ANO2: variants seen among roughly 807,000 people sequenced by gnomAD.
ANO2 encodes the protein anoctamin-2.
Under a neutral mutation model 124.2 loss-of-function variants are expected in ANO2, and 101 were observed. The observed-to-expected ratio is 0.81, with a 90% CI of 0.69 to 0.96. The LOEUF is 0.96. Among genes scored for constraint, ANO2 ranks in the 40% least tolerant of loss-of-function variants. ANO2 has a pLI of 0.00. For missense variants in ANO2, 1,293 were observed against 1,274.5 expected (o/e 1.01, Z -0.22); for synonymous variants, 486 against 482.5 (o/e 1.01, Z -0.09).
At chr12:5,880,917 G>GGATGGATGGATGGATT (rs1220049329) in intron 3 of ANO2, among the ~76,000 whole-genome samples, 1 of 151,042 alleles carries the variant, frequency 6.6e-6, no homozygotes, top group East Asian at 2.0e-4. Flanking sequence ...ATGGATGGAT[G>GGATGGATGGATGGATT]GATGAGTGGA....
chr12:5,701,648 C>A (rs1198728435), intron 14 of ANO2, among the ~76,000 whole-genome samples: 1 of 152,168 alleles, frequency 6.6e-6, no homozygotes, highest in East Asian at 1.9e-4. Flanking sequence ...TAGTTTAAGA[C>A]CCTCCATGAC....
At chr12:5,602,578 A>G (rs974914651) in intron 19 of ANO2, among the ~76,000 whole-genome samples, 2 of 152,210 alleles carry the variant, frequency 1.3e-5, no homozygotes, top group African/African-American at 4.8e-5. Context: ...TTAATCAGAA[A>G]GAGAAGACAG....
At chr12:5,753,456 T>G (rs559542327) in intron 10 of ANO2, among the ~76,000 whole-genome samples, 139 of 152,364 alleles carry the variant, frequency 9.1e-4, no homozygotes, top group South Asian at 3.3e-3. Context: ...GGGCAGCTTC[T>G]TGCATCACTC....
chr12:5,845,721 G>A (rs984592519), intron 4 of ANO2, among the ~76,000 whole-genome samples: 6 of 152,200 alleles, frequency 3.9e-5, no homozygotes, highest in South Asian at 2.1e-4. Context: ...TGGCTTTGGA[G>A]TCAGACAGAC....
At chr12:5,919,157 G>C (rs1276417068) in intron 3 of ANO2, among the ~76,000 whole-genome samples, 2 of 152,174 alleles carry the variant, frequency 1.3e-5, no homozygotes, top group Non-Finnish European at 2.9e-5. Flanking sequence ...AGTAAGGCAG[G>C]ATCGAGGGAC....
chr12:5,637,655 C>A (rs756201638), intron 15 of ANO2, among the ~76,000 whole-genome samples: 2 of 152,138 alleles, frequency 1.3e-5, no homozygotes, highest in South Asian at 2.1e-4. Context: ...TAACAGAATT[C>A]TTTTTCAAAT....
chr12:5,595,209 T>G (rs1408946417), intron 20 of ANO2, among the ~76,000 whole-genome samples: 1 of 152,142 alleles, frequency 6.6e-6, no homozygotes, highest in Non-Finnish European at 1.5e-5. Context: ...TTGTTTTTGT[T>G]TTTTTTAGAG....
intron 14 of ANO2, among the ~76,000 whole-genome samples, chr12:5,722,142 A>G (rs11063835): frequency 0.12 from 18,849 of 152,234 alleles, 1,339 homozygotes; most frequent in East Asian, 0.22. Context: ...CTGTTCCACA[A>G]TGATTTTGTG....
At chr12:5,924,031 T>C (rs1426851679) in intron 1 of ANO2, among the ~76,000 whole-genome samples, 1 of 152,240 alleles carries the variant, frequency 6.6e-6, no homozygotes, top group Admixed American at 6.5e-5. Context: ...TGACGGCATG[T>C]GATCAAAGGC....
At chr12:5,720,643 T>A (rs544578099) in intron 14 of ANO2, among the ~76,000 whole-genome samples, 1 of 152,312 alleles carries the variant, frequency 6.6e-6, no homozygotes, top group East Asian at 1.9e-4. Context: ...TTGGGTCTTG[T>A]GTTTTCCCAG....
chr12:5,593,231 C>A (rs2136871387), intron 20 of ANO2, among the ~76,000 whole-genome samples: 1 of 152,284 alleles, frequency 6.6e-6, no homozygotes, highest in South Asian at 2.1e-4. Context: ...ACAGTAATAG[C>A]CCAAGGGCCT....
chr12:5,763,208 T>C (rs1471493150), intron 10 of ANO2, among the ~76,000 whole-genome samples: 2 of 152,030 alleles, frequency 1.3e-5, no homozygotes, highest in Non-Finnish European at 2.9e-5. Context: ...ACTATTAAAA[T>C]AGGCTTATTT....
At chr12:5,654,885 C>G (rs892718785) in intron 14 of ANO2, among the ~76,000 whole-genome samples, 1 of 152,190 alleles carries the variant, frequency 6.6e-6, no homozygotes, top group African/African-American at 2.4e-5. Flanking sequence ...CATATTGAAT[C>G]AGAGCAGCCA....
At chr12:5,663,112 T>C (rs1441308897) in intron 14 of ANO2, among the ~76,000 whole-genome samples, 1 of 152,178 alleles carries the variant, frequency 6.6e-6, no homozygotes, top group African/African-American at 2.4e-5. Flanking sequence ...GGAGAGACCA[T>C]GCCCCACACA....
chr12:5,708,954 C>T (rs1239583879), intron 14 of ANO2, among the ~76,000 whole-genome samples: 1 of 152,184 alleles, frequency 6.6e-6, no homozygotes, highest in African/African-American at 2.4e-5. Flanking sequence ...CCAGTCTTTC[C>T]CATGGACTGT....
chr12:5,945,259 TG>T, upstream of ANO2: 1 of 1,279,042 alleles, frequency 7.8e-7, no homozygotes, highest in Non-Finnish European at 1.0e-6. Flanking sequence ...CGCGCGCTTC[TG>T]GGCAGGCTTA....
chr12:5,833,640 T>C (rs1954226461), intron 4 of ANO2, among the ~76,000 whole-genome samples: 1 of 152,040 alleles, frequency 6.6e-6, no homozygotes, highest in Non-Finnish European at 1.5e-5. Flanking sequence ...TGAGCAAGCA[T>C]TACCGCCTGA....
chr12:5,734,858 C>G (rs1232556405), intron 13 of ANO2, among the ~76,000 whole-genome samples: 1 of 152,154 alleles, frequency 6.6e-6, no homozygotes, highest in African/African-American at 2.4e-5. Context: ...CCATGTTGAC[C>G]AAGCTGGTCT....
intron 23 of ANO2, among the ~76,000 whole-genome samples, chr12:5,568,765 C>T (rs1011114458): frequency 2.0e-5 from 3 of 152,102 alleles, no homozygotes; most frequent in Non-Finnish European, 2.9e-5. Flanking sequence ...GGCGACAGTT[C>T]GTGCTTTGGA....
Sources: gnomAD v4.1 joint callset for allele counts (sites outside exome capture counted in the v4.1 genomes callset) on GRCh38, gnomAD v4.1.1 for gene constraint, MANE v1.5 for transcripts, NCBI Gene and HGNC (gene_info 2026-07-23, HGNC 2026-07-21) for gene names.